The following PLAT variants were observed in gnomAD, a reference collection of about 807,000 sequenced individuals.
PLAT encodes the protein tissue-type plasminogen activator.
A neutral mutation model predicts 74.9 loss-of-function variants in PLAT; 48 were observed. The ratio of observed to expected loss-of-function variants is 0.64; its 90% CI spans 0.51 to 0.82. The LOEUF is 0.82. PLAT is among the 40% of genes least tolerant of loss of function. The probability of loss-of-function intolerance (pLI) is 0.00; values close to 1 mark genes in which losing one functional copy is unlikely to be tolerated. For synonymous variants in PLAT, 307 were observed against 294.4 expected, an observed-to-expected ratio of 1.04 and a Z score of -0.44; for missense variants, 673 against 736.2, an observed-to-expected ratio of 0.91 and a Z score of 0.99.
At chr8:42,182,514 G>A (rs1229427132) in intron 8 of PLAT, 1 of 476,168 alleles carries the variant, frequency 2.1e-6, no homozygotes, top group Non-Finnish European at 3.7e-6. Flanking sequence ...CCCTTAACTT[G>A]GGATTTAGGT....
Position 42,187,466 on chromosome 8 carries a change from G to T in PLAT, c.471C>A (p.Ala157=). Residue 157 remains alanine (A), a synonymous_variant, in exon 6 of 14, where the codon GCC becomes GCA. Coordinates refer to ENST00000220809, the MANE Select transcript of PLAT (RefSeq NM_000930.5). The stretch of plus-strand genomic sequence containing the variant: ...GCCTCCGCCCGCTGTAGGGCTTCTG[G>T]GCCAACGCGCTGCTGTTCCAGTTGG... ...ECTNWNSSAL[A]QKPYSGRRPD... 6.2e-7 allele frequency: 1 copy of T among 1,607,912 alleles called. No individual in the cohort carries two copies.
intron 2 of PLAT, among the ~76,000 whole-genome samples, chr8:42,192,875 T>C (rs1460942873): frequency 6.6e-6 from 1 of 152,210 alleles, no homozygotes; most frequent in African/African-American, 2.4e-5. Context: ...TAATTCCGCT[T>C]ACTCAGGTCA....
chr8:42,203,809 T>A (rs1025100847), intron 1 of PLAT, among the ~76,000 whole-genome samples: 3 of 151,676 alleles, frequency 2.0e-5, no homozygotes, highest in Non-Finnish European at 4.4e-5. Flanking sequence ...TACAAAAAAA[T>A]TTTATAATTA....
At chr8:42,178,654 G>A (rs1805075720) in intron 13 of PLAT, among the ~76,000 whole-genome samples, 1 of 152,240 alleles carries the variant, frequency 6.6e-6, no homozygotes. Flanking sequence ...ATCCTGTACA[G>A]GTGGAGTTGC....
At chr8:42,177,552 A>G (rs764155201) in intron 13 of PLAT, among the ~76,000 whole-genome samples, 4 of 152,160 alleles carry the variant, frequency 2.6e-5, no homozygotes, top group Non-Finnish European at 4.4e-5. Flanking sequence ...TCTTATCTGT[A>G]CCATAGAGAT....
intron 2 of PLAT, among the ~76,000 whole-genome samples, chr8:42,191,847 T>C (rs775584445): frequency 1.3e-5 from 2 of 152,034 alleles, no homozygotes; most frequent in Non-Finnish European, 2.9e-5. Flanking sequence ...TGTAGGGTCC[T>C]GTGGGAGAGG....
chr8:42,200,759 GAC>G (rs2129813460), intron 1 of PLAT, among the ~76,000 whole-genome samples: 1 of 150,832 alleles, frequency 6.6e-6, no homozygotes, highest in South Asian at 2.1e-4. Flanking sequence ...AAGCCCAGGA[GAC>G]ACAGTTCTCT....
chr8:42,174,893 C>T lies in PLAT; in HGVS notation c.*1100G>A, dbSNP rs1276870935. On this transcript the variant is annotated 3_prime_UTR_variant, in exon 14 of 14. Coordinates refer to ENST00000220809, the MANE Select transcript of PLAT (RefSeq NM_000930.5). ...CTCCATGGAGAGTGCCTTTTCCACA[C>T]CTGTCCACAGTCCACGTCTCACCCA... Among the ~76,000 whole-genome samples, 1 of 152,162 alleles carries T rather than the reference C, an allele frequency of 6.6e-6. No homozygotes were observed. The highest frequency in any genetic ancestry group is 1.5e-5 in the Non-Finnish European group (1 of 68,020).
chr8:42,181,029 A>G (rs183637711), intron 9 of PLAT, among the ~76,000 whole-genome samples: 2 of 152,218 alleles, frequency 1.3e-5, no homozygotes, highest in Admixed American at 6.5e-5. Flanking sequence ...ATGTCTGCTC[A>G]TTTCTTTTCC....
At chr8:42,203,992 T>TATATATATACACACACAC (rs1554499838) in intron 1 of PLAT, among the ~76,000 whole-genome samples, 3 of 109,894 alleles carry the variant, frequency 2.7e-5, no homozygotes, top group African/African-American at 1.6e-4. Context: ...TATATATATA[T>TATATATATACACACACAC]ACACACACAC....
At chr8:42,186,508 C>T (rs1805464242) in intron 6 of PLAT, 1 of 152,182 alleles carries the variant, frequency 6.6e-6, no homozygotes, top group African/African-American at 2.4e-5. Flanking sequence ...ATGTACATCT[C>T]ACACATGTTG....
At chr8:42,190,337 C>T (rs1314120310) in intron 3 of PLAT, among the ~76,000 whole-genome samples, 1 of 152,004 alleles carries the variant, frequency 6.6e-6, no homozygotes, top group African/African-American at 2.4e-5. Flanking sequence ...CATTTTTGGC[C>T]CCAAAGAAAA....
At chr8:42,194,081 C>T (rs1471428987) in intron 1 of PLAT, among the ~76,000 whole-genome samples, 1 of 101,234 alleles carries the variant, frequency 9.9e-6, no homozygotes, top group Non-Finnish European at 1.8e-5. Context: ...GAGACTAGGT[C>T]TCGCTCTGTC....
At chr8:42,177,816 C>T (rs1805028616) in intron 13 of PLAT, among the ~76,000 whole-genome samples, 1 of 152,156 alleles carries the variant, frequency 6.6e-6, no homozygotes, top group South Asian at 2.1e-4. Flanking sequence ...TAAATCCTGT[C>T]AGGGAATCAG....
At position 42,180,234 on chromosome 8, in the gene PLAT, G is replaced by A. The variant is rs370878686; in HGVS notation, c.1222+8C>T. On this transcript the variant is annotated splice_region_variant and intron_variant, in intron 11 of 13. Transcript: ENST00000220809. Reference sequence around the variant, plus strand: ...TATGAACTGGAGCCGGGAATGACGAGCTCTTACCAATGTCATTGTCGTAAG... The same window carrying A: ...TATGAACTGGAGCCGGGAATGACGAACTCTTACCAATGTCATTGTCGTAAG... The A allele has an allele frequency of 4.3e-6, 7 of 1,614,032 alleles. No individual in the cohort carries two copies. In the African/African-American group the frequency reaches 6.7e-5, roughly 15 times the overall value.
chr8:42,178,978 G>C lies in PLAT; in HGVS notation c.1449C>G (p.Asn483Lys). Residue 483 changes from asparagine to lysine, a missense_variant, in exon 13 of 14, where the codon AAC becomes AAG. Coordinates refer to ENST00000220809, the MANE Select transcript of PLAT (RefSeq NM_000930.5). ...ACAGCATGTTGTCGGTGACTGTTCTGTTAAGTAAATGTTGTGATGTGCAGC... is the reference window on the plus strand; with the variant it reads ...ACAGCATGTTGTCGGTGACTGTTCTCTTAAGTAAATGTTGTGATGTGCAGC... The part of the protein sequence containing the change: ...SSRCTSQHLL[N>K]RTVTDNMLCA... The C allele has an allele frequency of 6.2e-7, 1 of 1,614,086 alleles. No individual in the cohort carries two copies. Among genetic ancestry groups the C allele is most frequent in the Non-Finnish European group, 8.5e-7 (1 of 1,179,938 alleles).
At chr8:42,207,154 T>G (rs1269240935) in intron 1 of PLAT, among the ~76,000 whole-genome samples, 1 of 152,190 alleles carries the variant, frequency 6.6e-6, no homozygotes, top group Non-Finnish European at 1.5e-5. Context: ...TATTGCTTGC[T>G]CGTCTTGAGG....
At chr8:42,194,188 C>A (rs896144358) in intron 1 of PLAT, among the ~76,000 whole-genome samples, 1 of 147,188 alleles carries the variant, frequency 6.8e-6, no homozygotes, top group Non-Finnish European at 1.5e-5. Flanking sequence ...AGAGCTGGGA[C>A]TTCAGGCATG....
intron 1 of PLAT, 73 bp from the exon 2 acceptor site, chr8:42,193,284 G>A (rs889237788): frequency 2.3e-5 from 22 of 961,554 alleles, no homozygotes; most frequent in East Asian, 7.5e-5. Context: ...AGGATAAGCC[G>A]CAATGTTGTC....
Sources: gnomAD v4.1 joint callset for allele counts (sites outside exome capture counted in the v4.1 genomes callset) on GRCh38, gnomAD v4.1.1 for gene constraint, MANE v1.5 for transcripts, NCBI Gene and HGNC (gene_info 2026-07-23, HGNC 2026-07-21) for gene names.